Variants in SMUG1 observed in about 807,000 individuals in gnomAD.
SMUG1 encodes the protein single-strand-selective monofunctional uracil-DNA glycosylase 1, also known as single-strand selective monofunctional uracil DNA glycosylase.
A neutral mutation model predicts 23.9 loss-of-function variants in SMUG1; 13 were observed. The observed-to-expected ratio is 0.54, with a 90% CI of 0.35 to 0.86. The LOEUF (loss-of-function observed/expected upper bound fraction) is 0.86. SMUG1 is among the 40% of genes least tolerant of loss of function. The probability of loss-of-function intolerance (pLI) is 0.01; values close to 1 mark genes in which losing one functional copy is unlikely to be tolerated. For synonymous variants in SMUG1, 133 were observed against 139.8 expected (o/e 0.95, Z 0.34); for missense variants, 313 against 339.5 (o/e 0.92, Z 0.61).
At chr12:54,183,521 T>G (rs750363369) in intron 3 of SMUG1, 135 bp downstream of exon 3, 5 of 841,010 alleles carry the variant, frequency 5.9e-6, no homozygotes, top group Non-Finnish European at 9.7e-6. Context: ...AGCCAGTATA[T>G]GTGTTGAGAC....
At chr12:54,182,741 C>T in intron 3 of SMUG1, 118 bp from the exon 4 acceptor site, 1 of 1,483,564 alleles carries the variant, frequency 6.7e-7, no homozygotes, top group Non-Finnish European at 8.9e-7. Context: ...CCTACCCCTA[C>T]CTTCACCCAA....
At chr12:54,185,171 G>A (rs1053889656) in intron 2 of SMUG1, among the ~76,000 whole-genome samples, 6 of 152,174 alleles carry the variant, frequency 3.9e-5, no homozygotes, top group Admixed American at 2.0e-4. Flanking sequence ...AGTCAGGCAT[G>A]GTGGTACGTG....
At chr12:54,177,527 A>T (rs1037996815), downstream of SMUG1, among the ~76,000 whole-genome samples, 1 of 152,174 alleles carries the variant, frequency 6.6e-6, no homozygotes, top group African/African-American at 2.4e-5. Context: ...AAACAGCCAC[A>T]CATGGCTAGT....
At chr12:54,178,427 T>C (rs1168279768), downstream of SMUG1, among the ~76,000 whole-genome samples, 1 of 152,112 alleles carries the variant, frequency 6.6e-6, no homozygotes, top group South Asian at 2.1e-4. Context: ...TATTACCCAA[T>C]CCTATCCCAC....
intron 3 of SMUG1, among the ~76,000 whole-genome samples, chr12:54,165,714 A>C (rs1940433319): frequency 6.6e-6 from 1 of 152,132 alleles, no homozygotes; most frequent in Admixed American, 6.5e-5. Context: ...GATATAACAG[A>C]ACCATCGAAA....
At chr12:54,179,962 C>T (rs1401380735), downstream of SMUG1, among the ~76,000 whole-genome samples, 1 of 152,248 alleles carries the variant, frequency 6.6e-6, no homozygotes, top group African/African-American at 2.4e-5. Flanking sequence ...TCCCTCAGCA[C>T]ATCCATGTGT....
chr12:54,176,162 G>A (rs1341305951), downstream of SMUG1, among the ~76,000 whole-genome samples: 2 of 151,300 alleles, frequency 1.3e-5, no homozygotes, highest in African/African-American at 4.9e-5. Context: ...GGAGGCAGAA[G>A]TTGTGGTGAG....
At chr12:54,163,057 C>T (rs1940324330), downstream of SMUG1, 1 of 152,232 alleles carries the variant, frequency 6.6e-6, no homozygotes, top group South Asian at 2.1e-4. Flanking sequence ...CAATAAATCC[C>T]CTCAGGCACC....
intron 2 of SMUG1, 154 bp from the exon 3 acceptor site, chr12:54,184,113 TCATC>T: frequency 1.9e-6 from 1 of 538,954 alleles, no homozygotes; most frequent in Non-Finnish European, 3.1e-6. Context: ...AGGACTGAAC[TCATC>T]TCAGTTCTTG....
chr12:54,158,398 A>T (rs1467778190), intron 4 of SMUG1, among the ~76,000 whole-genome samples: 1 of 152,066 alleles, frequency 6.6e-6, no homozygotes, highest in East Asian at 1.9e-4. Context: ...AACCTGCAGA[A>T]TCCTAATTTT....
chr12:54,184,072 G>C, intron 2 of SMUG1, 113 bp from the exon 3 acceptor site: 1 of 862,950 alleles, frequency 1.2e-6, no homozygotes, highest in Non-Finnish European at 1.7e-6. Context: ...GACCCTAAGA[G>C]ACCATGTCAG....
downstream of SMUG1, among the ~76,000 whole-genome samples, chr12:54,160,127 AC>A (rs757054420): frequency 2.6e-5 from 4 of 151,486 alleles, no homozygotes; most frequent in African/African-American, 7.3e-5. Flanking sequence ...ATGGGCAGGG[AC>A]CCCCCCACCC....
intron 2 of SMUG1, among the ~76,000 whole-genome samples, chr12:54,187,570 T>C (rs528896642): frequency 1.2e-4 from 19 of 152,328 alleles, no homozygotes; most frequent in African/African-American, 4.1e-4. Context: ...GACACCTGTG[T>C]TGGAAACAGC....
chr12:54,163,741 G>C (rs1328495513), downstream of SMUG1, among the ~76,000 whole-genome samples: 1 of 152,186 alleles, frequency 6.6e-6, no homozygotes, highest in Non-Finnish European at 1.5e-5. Flanking sequence ...TTAACTGTGA[G>C]TTATTCAGCA....
chr12:54,182,807 G>A, intron 3 of SMUG1, 184 bp from the exon 4 acceptor site: 1 of 1,211,314 alleles, frequency 8.3e-7, no homozygotes, highest in South Asian at 1.7e-5. Context: ...TCTTTTTCCA[G>A]TTCTTCATTG....
intron 3 of SMUG1, among the ~76,000 whole-genome samples, chr12:54,165,919 T>C (rs921326470): frequency 6.6e-6 from 1 of 152,198 alleles, no homozygotes; most frequent in African/African-American, 2.4e-5. Flanking sequence ...TAGTCATGCA[T>C]CAAAGACATG....
At chr12:54,158,404 A>T (rs1940113869) in intron 4 of SMUG1, among the ~76,000 whole-genome samples, 1 of 152,024 alleles carries the variant, frequency 6.6e-6, no homozygotes, top group South Asian at 2.1e-4. Context: ...CAGAATCCTA[A>T]TTTTGGGATT....
rs1228299333 is a variant in SMUG1, at chr12:54,180,964, G to A, written c.*1132C>T. 6.0e-5 allele frequency: 9 copies of A among 150,874 alleles called. No individual in the cohort carries two copies. Among genetic ancestry groups the A allele is most frequent in the African/African-American group, 2.2e-4 (9 of 40,706 alleles). The allele number at this position is 150,874 out of a possible 1,614,324, so 9.3% of individuals were successfully genotyped here. A position where few individuals can be genotyped will look rare whatever the true frequency, so the allele number is the denominator to read the frequency against. Reference sequence around the variant, plus strand: ...GACCATGCCACTGCACTCCAGCCTGGGCAACAGCATGAGACTCCATCTCAA... The same window carrying A: ...GACCATGCCACTGCACTCCAGCCTGAGCAACAGCATGAGACTCCATCTCAA... On this transcript the variant is annotated 3_prime_UTR_variant, in exon 4 of 4. Coordinates refer to ENST00000682136, the MANE Select transcript of SMUG1 (RefSeq NM_001243787.2).
chr12:54,169,083 T>C (rs980736940), intron 3 of SMUG1, among the ~76,000 whole-genome samples: 5 of 152,012 alleles, frequency 3.3e-5, no homozygotes, highest in African/African-American at 1.2e-4. Flanking sequence ...CCCCAGGGTC[T>C]GAGAGGGGAG....
Sources: gnomAD v4.1 joint callset for allele counts (sites outside exome capture counted in the v4.1 genomes callset) on GRCh38, gnomAD v4.1.1 for gene constraint, MANE v1.5 for transcripts, NCBI Gene and HGNC (gene_info 2026-07-23, HGNC 2026-07-21) for gene names.